The following TMEM232 variants were observed in gnomAD, a reference collection of about 807,000 sequenced individuals.
TMEM232 encodes transmembrane protein 232.
TMEM232 carries 80 observed loss-of-function variants against 78.8 expected under a neutral mutation model. The observed-to-expected ratio is 1.01, with a 90% CI of 0.85 to 1.22. The LOEUF (loss-of-function observed/expected upper bound fraction) is 1.22, where lower values mean the gene tolerates loss of function less well. Among genes scored for constraint, TMEM232 ranks in the 50% most tolerant of loss-of-function variants. TMEM232 has a pLI of 0.00. For synonymous variants in TMEM232, 297 were observed against 254.3 expected (o/e 1.17, Z -1.60); for missense variants, 881 against 742.2 (o/e 1.19, Z -2.17).
intron 2 of TMEM232, among the ~76,000 whole-genome samples, chr5:110,733,777 C>G (rs191272222): frequency 6.6e-6 from 1 of 152,182 alleles, no homozygotes; most frequent in East Asian, 1.9e-4. Context: ...TACAACAAAC[C>G]CCTGTGACAT....
chr5:110,622,730 T>C (rs10040218), intron 7 of TMEM232, among the ~76,000 whole-genome samples: 4,432 of 151,888 alleles, frequency 0.029, 222 homozygotes, highest in African/African-American at 0.1. Flanking sequence ...CTGGGTCAAA[T>C]GGTATTTCTA....
At chr5:110,551,895 T>C (rs1418757184) in intron 11 of TMEM232, among the ~76,000 whole-genome samples, 3 of 152,072 alleles carry the variant, frequency 2.0e-5, no homozygotes, top group African/African-American at 4.8e-5. Context: ...TGCATAAGTA[T>C]GCATATAGAA....
At chr5:110,390,887 C>A (rs1327710279) in intron 3 of TMEM232, among the ~76,000 whole-genome samples, 1 of 152,210 alleles carries the variant, frequency 6.6e-6, no homozygotes, top group Non-Finnish European at 1.5e-5. Flanking sequence ...TGGGAAGATT[C>A]ATCTATCATT....
At chr5:110,605,426 C>CAATAACAA (rs1781428451) in intron 9 of TMEM232, 68 bp from the exon 10 acceptor site, 1 of 1,443,224 alleles carries the variant, frequency 6.9e-7, no homozygotes, top group African/African-American at 1.4e-5. Flanking sequence ...ACACAGTGTA[C>CAATAACAA]TTATAATAAT....
chr5:110,700,963 A>C (rs1015573700), intron 1 of TMEM232, among the ~76,000 whole-genome samples: 1 of 151,948 alleles, frequency 6.6e-6, no homozygotes, highest in Non-Finnish European at 1.5e-5. Context: ...TCAACCAATG[A>C]CACTATATAA....
intron 4 of TMEM232, among the ~76,000 whole-genome samples, chr5:110,389,514 C>A (rs930072087): frequency 6.6e-6 from 1 of 152,140 alleles, no homozygotes; most frequent in Non-Finnish European, 1.5e-5. Context: ...AGATTCAAGA[C>A]ACTTGATAAA....
intron 1 of TMEM232, among the ~76,000 whole-genome samples, chr5:110,675,218 T>A (rs1407276111): frequency 6.6e-6 from 1 of 151,994 alleles, no homozygotes; most frequent in African/African-American, 2.4e-5. Context: ...CTAGTTTTTT[T>A]ATTTTTAGTA....
intron 5 of TMEM232, among the ~76,000 whole-genome samples, chr5:110,634,097 G>C (rs542465129): frequency 6.6e-6 from 1 of 151,794 alleles, no homozygotes; most frequent in Non-Finnish European, 1.5e-5. Context: ...TTTAAAAAAA[G>C]GCAAGAACAT....
At chr5:110,495,498 C>T (rs1765546429) in intron 12 of TMEM232, among the ~76,000 whole-genome samples, 1 of 151,806 alleles carries the variant, frequency 6.6e-6, no homozygotes, top group Admixed American at 6.6e-5. Context: ...AAAATGAAAA[C>T]ATACATCTTG....
At chr5:110,600,814 G>C (rs1372625976) in intron 10 of TMEM232, among the ~76,000 whole-genome samples, 2 of 152,100 alleles carry the variant, frequency 1.3e-5, no homozygotes, top group Non-Finnish European at 2.9e-5. Context: ...TATTTTATGA[G>C]GCCAGCATCA....
chr5:110,645,277 G>A (rs943543640), intron 2 of TMEM232, among the ~76,000 whole-genome samples: 2 of 151,440 alleles, frequency 1.3e-5, no homozygotes, highest in Non-Finnish European at 3.0e-5. Flanking sequence ...TAGGAGTAAA[G>A]AAAACTATAG....
chr5:110,638,641 G>A (rs60539740), intron 4 of TMEM232, among the ~76,000 whole-genome samples: 5,470 of 152,088 alleles, frequency 0.036, 316 homozygotes, highest in African/African-American at 0.12. Flanking sequence ...GCTTCCACCT[G>A]GATCTCTCTC....
At chr5:110,516,587 T>A (rs527458315) in intron 12 of TMEM232, among the ~76,000 whole-genome samples, 2 of 152,264 alleles carry the variant, frequency 1.3e-5, no homozygotes, top group Admixed American at 6.5e-5. Context: ...AGAACCATAA[T>A]GATTTTTTCA....
intron 10 of TMEM232, among the ~76,000 whole-genome samples, chr5:110,600,255 A>G (rs1268692549): frequency 1.3e-5 from 2 of 152,182 alleles, no homozygotes; most frequent in East Asian, 3.9e-4. Flanking sequence ...TAAAAGAAGT[A>G]GAGAAGCAAG....
At chr5:110,409,938 C>T (rs1458286407) in intron 2 of TMEM232, among the ~76,000 whole-genome samples, 1 of 152,168 alleles carries the variant, frequency 6.6e-6, no homozygotes, top group Non-Finnish European at 1.5e-5. Flanking sequence ...AGCCCCATCC[C>T]CTTCCCCAAC....
chr5:110,533,184 T>C (rs533748230), intron 11 of TMEM232, among the ~76,000 whole-genome samples: 1 of 152,272 alleles, frequency 6.6e-6, no homozygotes, highest in South Asian at 2.1e-4. Flanking sequence ...CCCAGCAGAT[T>C]ACCTAGGCTG....
intron 1 of TMEM232, among the ~76,000 whole-genome samples, chr5:110,737,840 T>C (rs532892758): frequency 6.6e-6 from 1 of 152,334 alleles, no homozygotes; most frequent in Admixed American, 6.5e-5. Context: ...TATGGACATT[T>C]AAATTTTATA....
intron 12 of TMEM232, among the ~76,000 whole-genome samples, chr5:110,524,773 C>T (rs75925862): frequency 0.02 from 3,010 of 151,840 alleles, 74 homozygotes; most frequent in African/African-American, 0.055. Flanking sequence ...TTTGTATTGC[C>T]GTCTATTTCT....
intron 2 of TMEM232, among the ~76,000 whole-genome samples, chr5:110,665,749 A>C (rs764565935): frequency 1.3e-5 from 2 of 152,002 alleles, no homozygotes; most frequent in Non-Finnish European, 2.9e-5. Flanking sequence ...GACTTATACT[A>C]TACATGAGCA....
Sources: gnomAD v4.1 joint callset for allele counts (sites outside exome capture counted in the v4.1 genomes callset) on GRCh38, gnomAD v4.1.1 for gene constraint, MANE v1.5 for transcripts, NCBI Gene and HGNC (gene_info 2026-07-23, HGNC 2026-07-21) for gene names.